The following SLC2A9 variants were observed in gnomAD, a reference collection of about 807,000 sequenced individuals.
SLC2A9 encodes solute carrier family 2 member 9.
SLC2A9 carries 39 observed loss-of-function variants against 50.6 expected under a neutral mutation model. That is an observed-to-expected ratio of 0.77 (90% CI 0.60 to 1.01). SLC2A9 has a LOEUF of 1.01. Ranked by LOEUF, SLC2A9 falls within the 50% of genes least tolerant of loss-of-function variation. SLC2A9 has a pLI of 0.00. For synonymous variants in SLC2A9, 324 were observed against 276.9 expected (o/e 1.17, Z -1.69); for missense variants, 686 against 677.6 (o/e 1.01, Z -0.14).
intron 4 of SLC2A9, among the ~76,000 whole-genome samples, chr4:9,984,652 G>A (rs1756415182): frequency 6.6e-6 from 1 of 152,134 alleles, no homozygotes; most frequent in Non-Finnish European, 1.5e-5. Flanking sequence ...TGCCTATTTA[G>A]AAAGAGAGCA....
intron 5 of SLC2A9, among the ~76,000 whole-genome samples, chr4:9,976,218 A>G (rs1754779109): frequency 6.6e-6 from 1 of 152,218 alleles, no homozygotes; most frequent in African/African-American, 2.4e-5. Context: ...TACCCAGGAA[A>G]TAAGTACGCA....
intron 5 of SLC2A9, among the ~76,000 whole-genome samples, chr4:9,958,645 A>AC (rs1285711441): frequency 6.6e-6 from 1 of 152,202 alleles, no homozygotes; most frequent in Non-Finnish European, 1.5e-5. Flanking sequence ...TACAATAATA[A>AC]TTTAAAAACA....
intron 5 of SLC2A9, among the ~76,000 whole-genome samples, chr4:9,947,693 T>C (rs1344676162): frequency 6.6e-6 from 1 of 152,116 alleles, no homozygotes; most frequent in African/African-American, 2.4e-5. Context: ...ACTTCCTTTA[T>C]CAAACTCTCA....
At chr4:9,977,923 T>A (rs553127431) in intron 5 of SLC2A9, among the ~76,000 whole-genome samples, 27 of 152,230 alleles carry the variant, frequency 1.8e-4, no homozygotes, top group Non-Finnish European at 2.8e-4. Flanking sequence ...TACACATTTG[T>A]TGAATGACTG....
intron 4 of SLC2A9, among the ~76,000 whole-genome samples, chr4:9,981,165 A>ATGGTAGTGATGGTGGTGG (rs1279291758): frequency 1.6e-5 from 1 of 63,762 alleles, no homozygotes; most frequent in Non-Finnish European, 3.4e-5. Flanking sequence ...GGTGGTGGTA[A>ATGGTAGTGATGGTGGTGG]TGGTAGTGAT....
At chr4:9,901,826 C>T (rs1050298458) in intron 8 of SLC2A9, among the ~76,000 whole-genome samples, 1 of 152,184 alleles carries the variant, frequency 6.6e-6, no homozygotes, top group African/African-American at 2.4e-5. Context: ...GCCCTCTGAC[C>T]TCTAGGCGGC....
At chr4:10,033,892 G>A (rs891429315) in intron 1 of SLC2A9, among the ~76,000 whole-genome samples, 1 of 152,178 alleles carries the variant, frequency 6.6e-6, no homozygotes, top group African/African-American at 2.4e-5. Flanking sequence ...TAAGCCCCAG[G>A]GCTAATGTCA....
intron 6 of SLC2A9, among the ~76,000 whole-genome samples, chr4:9,933,336 G>C (rs780064018): frequency 9.2e-5 from 14 of 152,238 alleles, no homozygotes; most frequent in Non-Finnish European, 1.9e-4. Context: ...GGGCAGGCCA[G>C]TGGCTGAGCT....
At chr4:10,019,293 C>T in intron 1 of SLC2A9, 1 of 582,594 alleles carries the variant, frequency 1.7e-6, no homozygotes, top group African/African-American at 1.9e-5. Context: ...GGTTTAGCGG[C>T]CACGCCCTTG....
intron 2 of SLC2A9, among the ~76,000 whole-genome samples, 196 bp downstream of exon 2, chr4:10,018,779 C>T (rs1488374234): frequency 6.6e-6 from 1 of 152,048 alleles, no homozygotes; most frequent in Non-Finnish European, 1.5e-5. Flanking sequence ...GAACTGTCAT[C>T]CCCCGCCCCT....
chr4:9,973,325 C>T (rs545824340), intron 5 of SLC2A9, among the ~76,000 whole-genome samples: 5 of 152,156 alleles, frequency 3.3e-5, no homozygotes, highest in African/African-American at 1.2e-4. Context: ...CCAATAAAAG[C>T]CCTGAAAAGA....
intron 3 of SLC2A9, 96 bp from the exon 4 acceptor site, chr4:9,985,889 G>A (rs1165469996): frequency 2.6e-6 from 4 of 1,557,804 alleles, no homozygotes; most frequent in African/African-American, 2.7e-5. Context: ...CTTCTGAAGG[G>A]TGAGTAGAGC....
intron 5 of SLC2A9, among the ~76,000 whole-genome samples, chr4:9,959,328 G>T (rs1041363183): frequency 6.6e-6 from 1 of 150,776 alleles, no homozygotes; most frequent in Admixed American, 6.6e-5. Context: ...GGAGGCAGAG[G>T]TTGCAGTGAG....
chr4:9,841,727 T>C (rs1728112173), intron 10 of SLC2A9, among the ~76,000 whole-genome samples: 1 of 152,148 alleles, frequency 6.6e-6, no homozygotes, highest in Non-Finnish European at 1.5e-5. Context: ...TAAAGTGACA[T>C]GCACCGGAAC....
chr4:9,777,912 A>T (rs1717778463), downstream of SLC2A9, among the ~76,000 whole-genome samples: 2 of 152,186 alleles, frequency 1.3e-5, no homozygotes, highest in Admixed American at 1.3e-4. Context: ...GAGAGGTTCA[A>T]ACATTGCTAA....
chr4:9,921,833 T>C (rs1744007550), intron 6 of SLC2A9, among the ~76,000 whole-genome samples: 1 of 152,230 alleles, frequency 6.6e-6, no homozygotes, highest in Non-Finnish European at 1.5e-5. Flanking sequence ...TGTGATAAAA[T>C]AACTCTAGAC....
chr4:9,934,560 C>G (rs1264172728), intron 6 of SLC2A9, among the ~76,000 whole-genome samples: 1 of 152,168 alleles, frequency 6.6e-6, no homozygotes, highest in African/African-American at 2.4e-5. Flanking sequence ...CAGCACTATC[C>G]TAGCCATGAG....
At chr4:10,015,525 G>A (rs561313012) in intron 2 of SLC2A9, among the ~76,000 whole-genome samples, 2 of 152,304 alleles carry the variant, frequency 1.3e-5, no homozygotes, top group African/African-American at 4.8e-5. Context: ...TTGTTGCAAG[G>A]ATAGGGCATG....
At chr4:9,968,710 G>A (rs1753430805) in intron 5 of SLC2A9, among the ~76,000 whole-genome samples, 1 of 152,166 alleles carries the variant, frequency 6.6e-6, no homozygotes, top group African/African-American at 2.4e-5. Flanking sequence ...TCATCAGGTT[G>A]TCTAAACAGG....
Sources: gnomAD v4.1 joint callset for allele counts (sites outside exome capture counted in the v4.1 genomes callset) on GRCh38, gnomAD v4.1.1 for gene constraint, MANE v1.5 for transcripts, NCBI Gene and HGNC (gene_info 2026-07-23, HGNC 2026-07-21) for gene names.